Variants in TAF3 observed in about 807,000 individuals in gnomAD.
The protein encoded by TAF3 is TATA-box binding protein associated factor 3.
Under a neutral mutation model 80.6 loss-of-function variants are expected in TAF3, and 7 were observed. The ratio of observed to expected loss-of-function variants is 0.09; its 90% CI spans 0.05 to 0.16. The LOEUF is 0.16. Ranked by LOEUF, TAF3 falls within the 10% of genes least tolerant of loss-of-function variation. TAF3 has a pLI of 1.00. For synonymous variants in TAF3, 444 were observed against 446.1 expected (o/e 1.00, Z 0.06); for missense variants, 921 against 1,140.2 (o/e 0.81, Z 2.77).
intron 2 of TAF3, among the ~76,000 whole-genome samples, chr10:7,899,182 G>A (rs753549114): frequency 6.6e-6 from 1 of 152,106 alleles, no homozygotes; most frequent in African/African-American, 2.4e-5. Context: ...TCGATCCTGG[G>A]CCTCACCTAC....
At chr10:7,907,302 T>C (rs556422652) in intron 2 of TAF3, among the ~76,000 whole-genome samples, 7 of 152,316 alleles carry the variant, frequency 4.6e-5, no homozygotes, top group Admixed American at 4.6e-4. Flanking sequence ...TGATGCCAGA[T>C]GAGGTCTTTG....
At chr10:7,959,701 C>A (rs1389081069) in intron 2 of TAF3, among the ~76,000 whole-genome samples, 1 of 152,124 alleles carries the variant, frequency 6.6e-6, no homozygotes, top group East Asian at 1.9e-4. Flanking sequence ...TGAAACCATC[C>A]CAGTTTTCCT....
At chr10:7,976,728 C>A (rs1316474992) in intron 3 of TAF3, among the ~76,000 whole-genome samples, 2 of 152,090 alleles carry the variant, frequency 1.3e-5, no homozygotes, top group Non-Finnish European at 2.9e-5. Flanking sequence ...TACAGCATTT[C>A]AGATTGTTTT....
chr10:7,818,541 A>T lies in TAF3; in HGVS notation c.-169A>T. 1 of 625,790 alleles carries T rather than the reference A, an allele frequency of 1.6e-6. No homozygotes were observed. The highest frequency in any genetic ancestry group is 2.5e-6 in the Non-Finnish European group (1 of 400,828). 38.8% of individuals were successfully genotyped at this position (625,790 alleles called of 1,614,324 possible). A position where few individuals can be genotyped will look rare whatever the true frequency, so the allele number is the denominator to read the frequency against. On this transcript the variant is annotated 5_prime_UTR_variant, in exon 1 of 7. Transcript: ENST00000344293. ...GAGCGAGTCCAAAATGGCGGCTCTC[A>T]GGCTGGCGCGCTCCGTGCTGCTGGG...
intron 4 of TAF3, among the ~76,000 whole-genome samples, chr10:7,978,149 A>T (rs1831691607): frequency 6.6e-6 from 1 of 152,232 alleles, no homozygotes; most frequent in South Asian, 2.1e-4. Context: ...TAAGCCTGAA[A>T]ATGCAGTTTA....
chr10:7,994,809 C>CAAAAAAAAAA (rs34669002), intron 4 of TAF3, among the ~76,000 whole-genome samples: 33 of 124,350 alleles, frequency 2.7e-4, no homozygotes, highest in African/African-American at 6.2e-4. Context: ...CTAAAAATAC[C>CAAAAAAAAAA]AAAAAAAAAA....
At chr10:7,930,147 C>T (rs549879708) in intron 2 of TAF3, among the ~76,000 whole-genome samples, 3 of 152,224 alleles carry the variant, frequency 2.0e-5, no homozygotes, top group African/African-American at 4.8e-5. Context: ...TGCAGTGAAC[C>T]GTGATTGTGG....
In TAF3 at chr10:8,014,655, G is replaced by T; in HGVS notation, c.2694G>T (p.Met898Ile). The T allele has an allele frequency of 1.2e-6, 2 of 1,612,964 alleles. No individual in the cohort carries two copies. Among genetic ancestry groups the T allele is most frequent in the South Asian group, 2.2e-5 (2 of 90,710 alleles). Reference sequence around the variant, plus strand: ...CGTGCAGGCCCTGTGTTGGAATCATGACTGCACCCCCAGAAGAGATGCAGT... The same window carrying T: ...CGTGCAGGCCCTGTGTTGGAATCATTACTGCACCCCCAGAAGAGATGCAGT... ...DWYHWPCVGI[M>I]TAPPEEMQWF... The change falls in exon 7 of 7, where the codon ATG becomes ATT. Residue 898 changes from methionine (M) to isoleucine (I), a missense_variant. Physicochemically the swap from Met to Ile is conservative, Grantham distance 10 (BLOSUM62 1). Coordinates refer to ENST00000344293, the MANE Select transcript of TAF3 (RefSeq NM_031923.4).
At chr10:7,821,146 C>T (rs911060095) in intron 1 of TAF3, among the ~76,000 whole-genome samples, 2 of 152,090 alleles carry the variant, frequency 1.3e-5, no homozygotes, top group African/African-American at 4.8e-5. Context: ...TCCTAATTAC[C>T]AAGTTTCCGT....
At chr10:8,006,036 A>G (rs1054275060) in intron 4 of TAF3, among the ~76,000 whole-genome samples, 1 of 152,202 alleles carries the variant, frequency 6.6e-6, no homozygotes, top group African/African-American at 2.4e-5. Flanking sequence ...GGTCATTATG[A>G]AAAACAAACA....
intron 2 of TAF3, 107 bp downstream of exon 2, chr10:7,824,667 A>T: frequency 7.4e-7 from 1 of 1,346,888 alleles, no homozygotes; most frequent in Non-Finnish European, 1.0e-6. Context: ...AACACAATAG[A>T]AACATTTACT....
intron 2 of TAF3, among the ~76,000 whole-genome samples, chr10:7,952,294 C>G (rs1838089769): frequency 6.6e-6 from 1 of 152,014 alleles, no homozygotes; most frequent in South Asian, 2.1e-4. Flanking sequence ...ATTACCATAG[C>G]CAGGCCCTAT....
intron 2 of TAF3, among the ~76,000 whole-genome samples, chr10:7,827,789 A>AC (rs1170231161): frequency 8.5e-4 from 129 of 151,354 alleles, no homozygotes; most frequent in African/African-American, 2.9e-3. Context: ...CAAAAAAAAA[A>AC]AAAAAAACAA....
At chr10:7,983,388 G>A (rs1831745136) in intron 4 of TAF3, among the ~76,000 whole-genome samples, 1 of 152,188 alleles carries the variant, frequency 6.6e-6, no homozygotes, top group Admixed American at 6.5e-5. Context: ...TGTCAGTTTT[G>A]CATTTTTATA....
chr10:7,828,987 G>GC (rs1836771102), intron 2 of TAF3, among the ~76,000 whole-genome samples: 1 of 133,018 alleles, frequency 7.5e-6, no homozygotes, highest in Non-Finnish European at 1.5e-5. Flanking sequence ...CCGAGATCGT[G>GC]CCACTGCACT....
In TAF3 at chr10:7,965,501, C is replaced by T; in HGVS notation, c.1991C>T (p.Pro664Leu). 1.9e-6 allele frequency: 3 copies of T among 1,605,036 alleles called. No homozygotes were observed. The highest frequency in any genetic ancestry group is 2.5e-6 in the Non-Finnish European group (3 of 1,177,858). ...TTGCCCCCAAAAGAGTTGGCCCTGC[C>T]CTTGTTCAGCCCTGCCACAGCCTCC... is the stretch of plus-strand genomic sequence containing the variant. ...LVLPPKELAL[P>L]LFSPATASRV... Residue 664 changes from proline (P) to leucine (L), a missense_variant, in exon 3 of 7, where the codon CCC becomes CTC. By Grantham distance (98) the Pro-to-Leu change is moderately conservative. This residue lies in a region of TAF3 where 743 missense variants were observed against 821.0 expected (regional missense o/e 0.90). Coordinates refer to ENST00000344293, the MANE Select transcript of TAF3 (RefSeq NM_031923.4).
rs368596361 is a variant in TAF3, at chr10:7,930,017, G to A, written c.410-33903G>A. Among the ~76,000 whole-genome samples, 125 of 152,260 alleles carry A rather than the reference G, an allele frequency of 8.2e-4. 1 individual carries two copies. The South Asian group carries it at 0.025, about 30-fold the overall frequency. ...AGGACTTCAAGACCAGCCTGGGCAC[G>A]ATAGGGAGGCCCTGACCCTACCAAA... On this transcript the variant is annotated intron_variant, in intron 2 of 6. Coordinates refer to ENST00000344293, the MANE Select transcript of TAF3 (RefSeq NM_031923.4).
chr10:7,911,248 A>G (rs1297873570), intron 2 of TAF3, among the ~76,000 whole-genome samples: 1 of 152,278 alleles, frequency 6.6e-6, no homozygotes, highest in African/African-American at 2.4e-5. Flanking sequence ...TGAGTATTCA[A>G]ACCCATGAGG....
rs758304464 is a variant in TAF3 at position 7,853,287 on chromosome 10, A to G, written c.409+28727A>G. 4.4e-4 allele frequency among the ~76,000 whole-genome samples: 67 copies of G among 152,202 alleles called. 1 individual carries two copies. The highest frequency in any genetic ancestry group is 1.9e-4 in the East Asian group (1 of 5,206). ...TATTGTAGAGTTGGGTGAAAATACT[A>G]TATAACTGTGCCTCTGAACACCTCC... On this transcript the variant is annotated intron_variant, in intron 2 of 6. Coordinates refer to ENST00000344293, the MANE Select transcript of TAF3 (RefSeq NM_031923.4).
Sources: allele counts gnomAD v4.1 joint callset (sites outside exome capture counted in the v4.1 genomes callset), GRCh38; gene constraint gnomAD v4.1.1; regional missense constraint gnomAD v4.1.1; transcripts MANE v1.5; gene names NCBI Gene and HGNC (gene_info 2026-07-23, HGNC 2026-07-21).